NPAS3: variants seen among roughly 807,000 people sequenced by gnomAD.
The protein encoded by NPAS3 is neuronal PAS domain-containing protein 3.
NPAS3 carries 14 observed loss-of-function variants against 73.1 expected under a neutral mutation model. The observed-to-expected ratio is 0.19, with a 90% confidence interval of 0.13 to 0.30. NPAS3 has a LOEUF of 0.30. NPAS3 is among the 10% of genes least tolerant of loss of function. The pLI, the probability that NPAS3 is intolerant of heterozygous loss-of-function variation, is 1.00. For synonymous variants in NPAS3, 620 were observed against 541.5 expected (o/e 1.14, Z -2.01); for missense variants, 1,096 against 1,250.0 (o/e 0.88, Z 1.86).
chr14:33,441,759 G>A (rs943432882), intron 4 of NPAS3, among the ~76,000 whole-genome samples: 14 of 152,272 alleles, frequency 9.2e-5, no homozygotes, highest in African/African-American at 3.1e-4. Flanking sequence ...GGCTGGGGAG[G>A]CCTCACAATC....
At chr14:33,045,093 G>C (rs1218211676) in intron 1 of NPAS3, among the ~76,000 whole-genome samples, 2 of 152,136 alleles carry the variant, frequency 1.3e-5, no homozygotes, top group African/African-American at 4.8e-5. Context: ...GCCCAACCTG[G>C]AAGTGCTGCT....
rs571623668 is a variant in NPAS3, at chr14:33,175,732, C to A, written c.141-39450C>A. ...CTTATTGAGATTTTACATACAACAT[C>A]CCAATGGGATGACATCATATTCAAT... is the stretch of plus-strand genomic sequence containing the variant. On this transcript the variant is annotated intron_variant, in intron 2 of 11. Coordinates refer to ENST00000356141, the Ensembl canonical transcript of NPAS3. Among the ~76,000 whole-genome samples, 278 of 152,148 alleles carry A rather than the reference C, an allele frequency of 1.8e-3. 1 individual carries two copies. Among genetic ancestry groups the A allele is most frequent in the African/African-American group, 6.4e-3 (266 of 41,528 alleles).
chr14:33,560,457 G>T (rs1567004810), intron 5 of NPAS3: 1 of 342,400 alleles, frequency 2.9e-6, no homozygotes, highest in Admixed American at 4.3e-5. Flanking sequence ...AATTTATCGA[G>T]AACAAATGAA....
intron 1 of NPAS3, among the ~76,000 whole-genome samples, chr14:32,980,426 C>T (rs779720974): frequency 2.2e-4 from 33 of 152,048 alleles, no homozygotes; most frequent in Non-Finnish European, 3.4e-4. Context: ...ACAGAGAGTG[C>T]AGTTATAGAA....
At chr14:33,317,827 C>T (rs910819449) in intron 3 of NPAS3, among the ~76,000 whole-genome samples, 1 of 151,974 alleles carries the variant, frequency 6.6e-6, no homozygotes, top group Non-Finnish European at 1.5e-5. Context: ...GACTAATACA[C>T]CAAGGCATCA....
At chr14:33,142,893 G>C (rs997416509) in intron 2 of NPAS3, among the ~76,000 whole-genome samples, 1 of 152,090 alleles carries the variant, frequency 6.6e-6, no homozygotes, top group African/African-American at 2.4e-5. Context: ...CCTGAGGTCA[G>C]GAGTTCAAGA....
rs533644050 is a variant in NPAS3 at position 33,573,008 on chromosome 14, T to G, written c.558+12798T>G. On this transcript the variant is annotated intron_variant, in intron 5 of 11. Coordinates refer to ENST00000356141, the Ensembl canonical transcript of NPAS3. ...ACTGCACTCCAGCCTGGAGACAGAG[T>G]GAGACTTCTTCTCAAAAAAAAAAAA... 1.1e-4 allele frequency among the ~76,000 whole-genome samples: 13 copies of G among 123,708 alleles called. No homozygotes were observed. In the South Asian group the frequency reaches 3.2e-3, roughly 30 times the overall value. The allele number at this position is 123,708 out of a possible 152,430, so 81.2% of individuals were successfully genotyped here. A position where few individuals can be genotyped will look rare whatever the true frequency, so the allele number is the denominator to read the frequency against.
At chr14:33,083,018 A>C (rs2041907417) in intron 2 of NPAS3, among the ~76,000 whole-genome samples, 1 of 151,784 alleles carries the variant, frequency 6.6e-6, no homozygotes, top group South Asian at 2.1e-4. Context: ...TTGTCTCTAC[A>C]AAAAAACACA....
At chr14:33,106,474 A>C (rs2042724679) in intron 2 of NPAS3, among the ~76,000 whole-genome samples, 1 of 152,162 alleles carries the variant, frequency 6.6e-6, no homozygotes, top group African/African-American at 2.4e-5. Context: ...AATTGCTATC[A>C]AAATTTTTTG....
At chr14:33,270,272 C>T (rs149155405) in intron 3 of NPAS3, among the ~76,000 whole-genome samples, 2,121 of 152,196 alleles carry the variant, frequency 0.014, 30 homozygotes, top group Middle Eastern at 0.034. Flanking sequence ...TTGGCAGCCA[C>T]ACTTTCAGCA....
chr14:33,343,274 A>C (rs1271500087), intron 3 of NPAS3, among the ~76,000 whole-genome samples: 1 of 152,154 alleles, frequency 6.6e-6, no homozygotes, highest in Non-Finnish European at 1.5e-5. Context: ...TTTTGTGAGC[A>C]CTTTAACTCC....
intron 1 of NPAS3, among the ~76,000 whole-genome samples, chr14:33,044,654 GT>G (rs11408612): frequency 0.02 from 2,738 of 138,446 alleles, 67 homozygotes; most frequent in African/African-American, 0.063. Context: ...GAGTTAGTTT[GT>G]TTTTTTTTTT....
intron 6 of NPAS3, among the ~76,000 whole-genome samples, chr14:33,700,378 A>T (rs894816710): frequency 1.3e-5 from 2 of 152,228 alleles, no homozygotes; most frequent in Non-Finnish European, 2.9e-5. Context: ...GGAATTAAAA[A>T]TGGGGAGCGA....
At chr14:33,514,187 G>A (rs148672339) in intron 4 of NPAS3, among the ~76,000 whole-genome samples, 7 of 152,110 alleles carry the variant, frequency 4.6e-5, no homozygotes, top group African/African-American at 1.2e-4. Flanking sequence ...TTAACAAGGG[G>A]CTCCGGGTCA....
intron 3 of NPAS3, among the ~76,000 whole-genome samples, chr14:33,362,156 C>G (rs2045633595): frequency 6.6e-6 from 1 of 152,110 alleles, no homozygotes; most frequent in Admixed American, 6.5e-5. Flanking sequence ...AGCTGGTACC[C>G]AGTGCTATTT....
chr14:33,052,180 C>T (rs2040735313), intron 1 of NPAS3, among the ~76,000 whole-genome samples: 1 of 152,150 alleles, frequency 6.6e-6, no homozygotes, highest in Non-Finnish European at 1.5e-5. Context: ...GTACCATCCC[C>T]AAGAGTGGCA....
At chr14:33,058,423 A>G (rs2040968881) in intron 2 of NPAS3, among the ~76,000 whole-genome samples, 2 of 152,322 alleles carry the variant, frequency 1.3e-5, no homozygotes, top group African/African-American at 4.8e-5. Flanking sequence ...ATTGTTATCC[A>G]TGAAAGCAGG....
intron 3 of NPAS3, among the ~76,000 whole-genome samples, chr14:33,304,388 A>G (rs2042675268): frequency 6.6e-6 from 1 of 152,152 alleles, no homozygotes; most frequent in South Asian, 2.1e-4. Context: ...AATGTTACTC[A>G]TAGAAAGTTG....
At chr14:33,499,650 C>A (rs577903160) in intron 4 of NPAS3, among the ~76,000 whole-genome samples, 3 of 152,064 alleles carry the variant, frequency 2.0e-5, no homozygotes, top group African/African-American at 7.2e-5. Flanking sequence ...TGCCTCCCAA[C>A]TTGCTTAAAT....
Sources: gnomAD v4.1 joint callset for allele counts (sites outside exome capture counted in the v4.1 genomes callset) on GRCh38, gnomAD v4.1.1 for gene constraint, MANE v1.5 for transcripts, NCBI Gene and HGNC (gene_info 2026-07-23, HGNC 2026-07-21) for gene names.